The following DENND5A variants were observed in gnomAD, a reference collection of about 807,000 sequenced individuals.
The protein encoded by DENND5A is DENN domain-containing protein 5A.
In DENND5A, 64 loss-of-function variants were observed where a neutral mutation model predicts 140.3. The observed-to-expected ratio is 0.46, with a 90% confidence interval of 0.37 to 0.56. The LOEUF is 0.56. Ranked by LOEUF, DENND5A falls within the 20% of genes least tolerant of loss-of-function variation. DENND5A has a pLI of 0.00. For missense variants in DENND5A, 1,292 were observed against 1,593.8 expected (o/e 0.81, Z 3.22); for synonymous variants, 605 against 607.7 (o/e 1.00, Z 0.07).
intron 1 of DENND5A, among the ~76,000 whole-genome samples, chr11:9,257,951 C>T (rs1231212281): frequency 6.6e-6 from 1 of 151,826 alleles, no homozygotes; most frequent in Non-Finnish European, 1.5e-5. Context: ...TGCCACCAGG[C>T]CCGGCTAATT....
intron 1 of DENND5A, among the ~76,000 whole-genome samples, chr11:9,214,665 C>A (rs1042145289): frequency 2.0e-5 from 3 of 152,150 alleles, no homozygotes; most frequent in Non-Finnish European, 4.4e-5. Flanking sequence ...AAGTAAGTAC[C>A]CAGAATACAA....
intron 1 of DENND5A, chr11:9,242,903 C>A (rs1219992950): frequency 6.6e-6 from 1 of 151,572 alleles, no homozygotes; most frequent in African/African-American, 2.4e-5. Context: ...GCCTGGCCAA[C>A]ATAGTGAAAC....
intron 8 of DENND5A, among the ~76,000 whole-genome samples, chr11:9,175,991 G>T (rs539541081): frequency 1.3e-5 from 2 of 152,266 alleles, no homozygotes; most frequent in East Asian, 3.9e-4. Flanking sequence ...TTCTCAAAAA[G>T]ACAATTAGGC....
intron 1 of DENND5A, among the ~76,000 whole-genome samples, chr11:9,221,168 C>T (rs1489414301): frequency 1.3e-5 from 2 of 152,124 alleles, no homozygotes; most frequent in East Asian, 2.0e-4. Flanking sequence ...CGGTGGCTCA[C>T]GCCTGTAATC....
At chr11:9,244,180 T>C (rs1232794803) in intron 1 of DENND5A, among the ~76,000 whole-genome samples, 1 of 152,054 alleles carries the variant, frequency 6.6e-6, no homozygotes, top group Non-Finnish European at 1.5e-5. Flanking sequence ...AAACTGGATG[T>C]TGGTTTAGCA....
At position 9,217,181 on chromosome 11, in the gene DENND5A, C is replaced by T. The variant is rs150488068; in HGVS notation, c.110-9549G>A. 2.5e-3 allele frequency among the ~76,000 whole-genome samples: 384 copies of T among 152,236 alleles called. 1 individual carries two copies. The highest frequency in any genetic ancestry group is 8.7e-3 in the African/African-American group (360 of 41,558). On this transcript the variant is annotated intron_variant, in intron 1 of 22. Transcript: ENST00000328194. The stretch of plus-strand genomic sequence containing the variant: ...AACACAGATGAATCTTGAAAACATG[C>T]CAAGTGGCTTAAGATCACATACTGT...
At chr11:9,222,380 G>C (rs1384154636) in intron 1 of DENND5A, among the ~76,000 whole-genome samples, 8 of 151,970 alleles carry the variant, frequency 5.3e-5, no homozygotes, top group African/African-American at 1.4e-4. Flanking sequence ...CAAAAATCTA[G>C]TCAGTGTTCA....
intron 17 of DENND5A, 112 bp downstream of exon 17, chr11:9,145,558 G>A: frequency 8.5e-7 from 1 of 1,170,062 alleles, no homozygotes; most frequent in Non-Finnish European, 1.2e-6. Flanking sequence ...CAGCTATGCT[G>A]AAGCATTACA....
chr11:9,142,014 G>A lies in DENND5A; in HGVS notation c.3606C>T (p.Val1202=). 6.2e-7 allele frequency: 1 copy of A among 1,606,386 alleles called. No homozygotes were observed. Among genetic ancestry groups the A allele is most frequent in the South Asian group, 1.1e-5 (1 of 88,880 alleles). The change falls in exon 22 of 23, where the codon GTC becomes GTT. Residue 1202 remains valine, a synonymous_variant. Coordinates refer to ENST00000328194, the MANE Select transcript of DENND5A (RefSeq NM_015213.4). ...TCCGGGGAGTATTGTTGATTGCAGTGACAAATCGGCAGAAGTTCCGGGCTC... is the reference window on the plus strand; with the variant it reads ...TCCGGGGAGTATTGTTGATTGCAGTAACAAATCGGCAGAAGTTCCGGGCTC... ...HTRARNFCRF[V]TAINNTPRNI...
intron 8 of DENND5A, among the ~76,000 whole-genome samples, chr11:9,174,687 G>A (rs181544279): frequency 1.5e-3 from 234 of 151,706 alleles, no homozygotes; most frequent in African/African-American, 5.5e-3. Context: ...GCAACAGAGC[G>A]AGACCCCATC....
intron 1 of DENND5A, among the ~76,000 whole-genome samples, chr11:9,222,891 C>T (rs1347285718): frequency 2.0e-5 from 3 of 152,184 alleles, no homozygotes; most frequent in South Asian, 4.1e-4. Flanking sequence ...AGCAAAGTTG[C>T]CACAAGCTCT....
rs987069366 is a variant in DENND5A at position 9,142,044 on chromosome 11, A to T, written c.3576T>A (p.His1192Gln). 1 of 1,606,246 alleles carries T rather than the reference A, an allele frequency of 6.2e-7. No homozygotes were observed. Among genetic ancestry groups the T allele is most frequent in the Non-Finnish European group, 8.5e-7 (1 of 1,176,504 alleles). The change falls in exon 22 of 23, where the codon CAT (histidine) becomes CAA (glutamine). Residue 1192 changes from histidine (H) to glutamine (Q), a missense_variant. Physicochemically the swap from His to Gln is conservative, Grantham distance 24. This residue lies in a region of DENND5A where 498 missense variants were observed against 689.7 expected (regional missense o/e 0.72). Transcript: ENST00000328194. The stretch of plus-strand genomic sequence containing the variant: ...ATCGGCAGAAGTTCCGGGCTCTTGT[A>T]TGCCAGTTTTCCTCAGGGACTACTT... ...KNEVVPEENW[H>Q]TRARNFCRFV... is the part of the protein sequence containing the mutation.
rs147578155 is a variant in DENND5A at position 9,246,449 on chromosome 11, A to T, written c.109+18512T>A. On this transcript the variant is annotated intron_variant, in intron 1 of 22. Coordinates refer to ENST00000328194, the MANE Select transcript of DENND5A (RefSeq NM_015213.4). ...AACATGGTGAAATCCCATCTCTACT[A>T]AAAATACAAAAAATCAGCCAGGTGT... Among the ~76,000 whole-genome samples the T allele has an allele frequency of 4.9e-4, 74 of 151,980 alleles. 2 individuals are homozygous for T. The East Asian group carries it at 0.014, about 29-fold the overall frequency.
At chr11:9,223,763 C>T (rs2136239082) in intron 1 of DENND5A, among the ~76,000 whole-genome samples, 1 of 152,260 alleles carries the variant, frequency 6.6e-6, no homozygotes. Flanking sequence ...TGTTAATATC[C>T]TTCAACCTAT....
rs1847565391 is a variant in DENND5A, at chr11:9,150,133, T to C, written c.2683A>G (p.Lys895Glu). 6.2e-7 allele frequency: 1 copy of C among 1,613,874 alleles called. No individual in the cohort carries two copies. The highest frequency in any genetic ancestry group is 8.5e-7 in the Non-Finnish European group (1 of 1,179,898). Residue 895 changes from lysine to glutamate, a missense_variant, in exon 15 of 23, where the codon AAG becomes GAG. By Grantham distance (56) the Lys-to-Glu change is moderately conservative. Around this residue, in one of 4 missense-constraint regions of DENND5A, gnomAD observed 498 missense variants for 689.7 expected, o/e 0.72. Transcript: ENST00000328194. ...TGCTTCAGGTGTCTGGAAAGTAACT[T>C]TTTTTCCATGGACAGTCGCACCCAT... is the stretch of plus-strand genomic sequence containing the variant. ...RAWVRLSMEK[K>E]LLSRHLKQLL...
Position 9,139,414 on chromosome 11 carries a change from G to A in DENND5A, c.*257C>T, listed in dbSNP as rs1274730799. Reference sequence around the variant, plus strand: ...CCAGCATGTGGCCACGGCGAGGGAGGGCACCAGCTTCAAAATAAGCGGCAC... The same window carrying A: ...CCAGCATGTGGCCACGGCGAGGGAGAGCACCAGCTTCAAAATAAGCGGCAC... On this transcript the variant is annotated 3_prime_UTR_variant, in exon 23 of 23. Coordinates refer to ENST00000328194, the MANE Select transcript of DENND5A (RefSeq NM_015213.4). 6.5e-6 allele frequency: 3 copies of A among 461,760 alleles called. No homozygotes were observed. The highest frequency in any genetic ancestry group is 1.2e-5 in the Non-Finnish European group (3 of 254,844). The allele number at this position is 461,760 out of a possible 1,614,324, so 28.6% of individuals were successfully genotyped here.
At chr11:9,191,203 TG>T (rs1442918361) in intron 5 of DENND5A, among the ~76,000 whole-genome samples, 1 of 151,716 alleles carries the variant, frequency 6.6e-6, no homozygotes, top group Non-Finnish European at 1.5e-5. Flanking sequence ...AGGGAACTTT[TG>T]GGTTTCTTTT....
chr11:9,199,187 C>T (rs1475311732), intron 4 of DENND5A, among the ~76,000 whole-genome samples: 1 of 151,606 alleles, frequency 6.6e-6, no homozygotes, highest in African/African-American at 2.4e-5. Context: ...AGATAAAGAG[C>T]TTCTGTTCTG....
chr11:9,218,443 C>T (rs930863469), intron 1 of DENND5A, among the ~76,000 whole-genome samples: 1 of 152,096 alleles, frequency 6.6e-6, no homozygotes, highest in South Asian at 2.1e-4. Context: ...TGCTTAGGCT[C>T]AGCTCATGCT....
Sources: gnomAD v4.1 joint callset for allele counts (sites outside exome capture counted in the v4.1 genomes callset) on GRCh38, gnomAD v4.1.1 for gene constraint, gnomAD v4.1.1 regional missense constraint, MANE v1.5 for transcripts, NCBI Gene and HGNC (gene_info 2026-07-23, HGNC 2026-07-21) for gene names.